Variants in BRINP3 observed in about 807,000 individuals in gnomAD.
BRINP3 encodes BMP/retinoic acid inducible neural specific 3, also known as BMP/retinoic acid-inducible neural-specific protein 3.
In BRINP3, 19 loss-of-function variants were observed where a neutral mutation model predicts 71.0. The ratio of observed to expected loss-of-function variants is 0.27; its 90% confidence interval spans 0.19 to 0.39. The LOEUF is 0.39. BRINP3 is among the 10% of genes least tolerant of loss of function. The pLI, the probability that BRINP3 is intolerant of heterozygous loss-of-function variation, is 1.00. For synonymous variants in BRINP3, 380 were observed against 337.7 expected (o/e 1.13, Z -1.37); for missense variants, 959 against 940.8 (o/e 1.02, Z -0.25).
intron 2 of BRINP3, among the ~76,000 whole-genome samples, chr1:190,358,882 A>T (rs563980271): frequency 6.6e-6 from 1 of 152,252 alleles, no homozygotes; most frequent in South Asian, 2.1e-4. Context: ...GCAGCTGGAA[A>T]CCATCATTCT....
intron 2 of BRINP3, among the ~76,000 whole-genome samples, chr1:190,377,939 T>C (rs1670286414): frequency 6.6e-6 from 1 of 152,146 alleles, no homozygotes; most frequent in Admixed American, 6.6e-5. Flanking sequence ...CTTGTTAAGA[T>C]AACACTACTA....
intron 2 of BRINP3, among the ~76,000 whole-genome samples, chr1:190,432,219 T>C (rs1374877026): frequency 6.6e-6 from 1 of 152,200 alleles, no homozygotes; most frequent in African/African-American, 2.4e-5. Context: ...ATAGCTTTCT[T>C]ACCTAAAAAA....
At chr1:190,311,128 C>T (rs1558170066) in intron 2 of BRINP3, among the ~76,000 whole-genome samples, 1 of 151,556 alleles carries the variant, frequency 6.6e-6, no homozygotes, top group Non-Finnish European at 1.5e-5. Flanking sequence ...AGCAAGAGTG[C>T]CAATGAACTG....
At chr1:190,205,267 C>T (rs1655397977) in intron 6 of BRINP3, among the ~76,000 whole-genome samples, 1 of 150,674 alleles carries the variant, frequency 6.6e-6, no homozygotes, top group Non-Finnish European at 1.5e-5. Flanking sequence ...AACTTCTGAG[C>T]AGAATCTTCG....
chr1:190,346,857 T>C (rs1668055035), intron 2 of BRINP3, among the ~76,000 whole-genome samples: 1 of 152,112 alleles, frequency 6.6e-6, no homozygotes, highest in Non-Finnish European at 1.5e-5. Context: ...TTCTGTTCAT[T>C]TGGATATCTT....
chr1:190,129,696 G>A (rs959743856), intron 7 of BRINP3, among the ~76,000 whole-genome samples: 6 of 151,514 alleles, frequency 4.0e-5, no homozygotes, highest in African/African-American at 7.3e-5. Context: ...TTATTATTCC[G>A]TTAGCATTTT....
intron 1 of BRINP3, among the ~76,000 whole-genome samples, chr1:190,456,220 A>G (rs1350590496): frequency 6.6e-6 from 1 of 152,154 alleles, no homozygotes; most frequent in African/African-American, 2.4e-5. Flanking sequence ...TATCTGAGAG[A>G]TATAGAGAAA....
chr1:190,296,009 C>G (rs1022277065), intron 2 of BRINP3, among the ~76,000 whole-genome samples: 9 of 150,198 alleles, frequency 6.0e-5, no homozygotes, highest in Non-Finnish European at 1.3e-4. Flanking sequence ...AATTGGCCAT[C>G]ATGATCTGGC....
chr1:190,166,855 C>T (rs898550093), intron 6 of BRINP3, among the ~76,000 whole-genome samples: 3 of 152,008 alleles, frequency 2.0e-5, no homozygotes, highest in Non-Finnish European at 2.9e-5. Context: ...TCCCAAGTAG[C>T]TGGGATTACA....
At chr1:190,475,066 TCTAA>T (rs1318361962) in intron 1 of BRINP3, among the ~76,000 whole-genome samples, 1 of 152,096 alleles carries the variant, frequency 6.6e-6, no homozygotes, top group Non-Finnish European at 1.5e-5. Flanking sequence ...CAAGTTGAAA[TCTAA>T]CTCTCTTCCG....
chr1:190,281,617 T>C lies in BRINP3; in HGVS notation c.370A>G (p.Thr124Ala). 1.9e-6 allele frequency: 3 copies of C among 1,612,822 alleles called. No homozygotes were observed. Among genetic ancestry groups the C allele is most frequent in the Non-Finnish European group, 2.5e-6 (3 of 1,179,268 alleles). The part of the protein sequence containing the change: ...LGRRPTLQQI[T>A]ENLIKKYGTH... Reference sequence around the variant, plus strand: ...CCATATTTCTTGATAAGGTTTTCTGTGATTTGCTGAAGGGTAGGTCGACGT... The same window carrying C: ...CCATATTTCTTGATAAGGTTTTCTGCGATTTGCTGAAGGGTAGGTCGACGT... Residue 124 changes from threonine to alanine, a missense_variant, in exon 3 of 8, where the codon ACA becomes GCA. Coordinates refer to ENST00000367462, the MANE Select transcript of BRINP3 (RefSeq NM_199051.3).
intron 2 of BRINP3, among the ~76,000 whole-genome samples, chr1:190,409,782 T>C (rs530590778): frequency 6.6e-6 from 1 of 152,268 alleles, no homozygotes; most frequent in East Asian, 1.9e-4. Flanking sequence ...GAAATGCTTC[T>C]ATAAAGCATA....
At chr1:190,417,210 G>GA (rs531970571) in intron 2 of BRINP3, among the ~76,000 whole-genome samples, 3 of 148,308 alleles carry the variant, frequency 2.0e-5, no homozygotes, top group African/African-American at 5.0e-5. Context: ...TGATTTTTGA[G>GA]AAAAAAAATA....
intron 7 of BRINP3, among the ~76,000 whole-genome samples, chr1:190,103,908 C>CT (rs771659610): frequency 0.017 from 2,492 of 143,252 alleles, 58 homozygotes; most frequent in African/African-American, 0.056. Flanking sequence ...GGGCCAGTCA[C>CT]TTTTTTTTTT....
At chr1:190,139,451 C>CAA (rs11315431) in intron 7 of BRINP3, among the ~76,000 whole-genome samples, 10 of 87,538 alleles carry the variant, frequency 1.1e-4, no homozygotes, top group South Asian at 7.6e-4. Context: ...GACTCTGTCT[C>CAA]AAAAAAAAAA....
chr1:190,343,842 G>T (rs1667830224), intron 2 of BRINP3, among the ~76,000 whole-genome samples: 1 of 151,552 alleles, frequency 6.6e-6, no homozygotes, highest in South Asian at 2.1e-4. Flanking sequence ...ACAGCAAGTA[G>T]ATTTCTTCTT....
intron 4 of BRINP3, among the ~76,000 whole-genome samples, chr1:190,236,348 T>C (rs1042443114): frequency 6.6e-6 from 1 of 151,946 alleles, no homozygotes; most frequent in Non-Finnish European, 1.5e-5. Flanking sequence ...AAATATTTAG[T>C]AGGAGTGGCA....
chr1:190,361,687 C>T (rs1478647901), intron 2 of BRINP3, among the ~76,000 whole-genome samples: 1 of 152,128 alleles, frequency 6.6e-6, no homozygotes, highest in African/African-American at 2.4e-5. Flanking sequence ...CAGGCGTGAG[C>T]CACCATGCCT....
chr1:190,212,019 G>A (rs1656030603), intron 6 of BRINP3, among the ~76,000 whole-genome samples: 1 of 152,030 alleles, frequency 6.6e-6, no homozygotes, highest in Non-Finnish European at 1.5e-5. Flanking sequence ...ACAGTATAGT[G>A]CAATGAGCAT....
Sources: allele counts gnomAD v4.1 joint callset (sites outside exome capture counted in the v4.1 genomes callset), GRCh38; gene constraint gnomAD v4.1.1; transcripts MANE v1.5; gene names NCBI Gene and HGNC (gene_info 2026-07-23, HGNC 2026-07-21).